Variants in CDH13 observed in about 807,000 individuals in gnomAD.
CDH13 encodes cadherin 13, also known as cadherin-13.
A neutral mutation model predicts 63.8 loss-of-function variants in CDH13; 24 were observed. The ratio of observed to expected loss-of-function variants is 0.38; its 90% CI spans 0.27 to 0.53. The LOEUF (loss-of-function observed/expected upper bound fraction) is 0.53, where lower values mean the gene tolerates loss of function less well. Ranked by LOEUF, CDH13 falls within the 20% of genes least tolerant of loss-of-function variation. The probability of loss-of-function intolerance (pLI) is 0.85; values close to 1 mark genes in which losing one functional copy is unlikely to be tolerated. For missense variants in CDH13, 1,049 were observed against 903.1 expected (o/e 1.16, Z -2.07); for synonymous variants, 503 against 355.3 (o/e 1.42, Z -4.67).
In CDH13 at chr16:82,724,261, A is replaced by G. The variant is rs116920509; in HGVS notation, c.45+97124A>G. Among the ~76,000 whole-genome samples the G allele has an allele frequency of 6.3e-3, 964 of 151,934 alleles. 5 individuals carry two copies. Among genetic ancestry groups the G allele is most frequent in the Non-Finnish European group, 0.011 (723 of 67,998 alleles). ...CATCCTTCCATCCATCTATCCATCT[A>G]TGCATCCTTCCGTCCATCCATCTAT... On this transcript the variant is annotated intron_variant, in intron 1 of 13. Coordinates refer to ENST00000567109, the MANE Select transcript of CDH13 (RefSeq NM_001257.5).
In CDH13 at chr16:83,532,601, G is replaced by C. The variant is rs558232153; in HGVS notation, c.960+45946G>C. Among the ~76,000 whole-genome samples the C allele has an allele frequency of 3.3e-5, 5 of 152,332 alleles. No homozygotes were observed. In the South Asian group the frequency reaches 8.3e-4, roughly 25 times the overall value. On this transcript the variant is annotated intron_variant, in intron 7 of 13. Coordinates refer to ENST00000567109, the MANE Select transcript of CDH13 (RefSeq NM_001257.5). ...ATATTTGCTGAATGAATAAATGGCT[G>C]CTTGTCTCCTCAAGTAGCCTATCAG...
At chr16:83,054,325 A>G (rs1402479955) in intron 3 of CDH13, among the ~76,000 whole-genome samples, 1 of 152,238 alleles carries the variant, frequency 6.6e-6, no homozygotes, top group Non-Finnish European at 1.5e-5. Context: ...AATAACGAAT[A>G]GTAAAATAGA....
intron 2 of CDH13, among the ~76,000 whole-genome samples, chr16:82,867,040 C>CT (rs2040174869): frequency 6.6e-6 from 1 of 152,198 alleles, no homozygotes; most frequent in Non-Finnish European, 1.5e-5. Flanking sequence ...CCTCCCTGGC[C>CT]TTGATAACTG....
intron 3 of CDH13, among the ~76,000 whole-genome samples, chr16:83,114,418 G>C (rs1427094697): frequency 2.0e-5 from 3 of 152,174 alleles, no homozygotes; most frequent in African/African-American, 7.2e-5. Flanking sequence ...GATAAGCACT[G>C]AGTGGTGTAA....
chr16:83,463,677 C>G (rs1377349851), intron 6 of CDH13, among the ~76,000 whole-genome samples: 1 of 152,120 alleles, frequency 6.6e-6, no homozygotes, highest in African/African-American at 2.4e-5. Context: ...GTGGTGCACA[C>G]CTGTGGTCCT....
rs1290902626 is a variant in CDH13, at chr16:83,500,303, C to T, written c.960+13648C>T. Among the ~76,000 whole-genome samples the T allele has an allele frequency of 0.043, 26 of 606 alleles. 1 individual carries two copies. The East Asian group carries it at 0.67, about 16-fold the overall frequency. 0.4% of individuals were successfully genotyped at this position (606 alleles called of 152,430 possible). ...TCTTCTTCTTCTTCTTCTCCTTCTC[C>T]TTCTCCTTCTCCTTCTCCTCCTCCT... On this transcript the variant is annotated intron_variant, in intron 7 of 13. Coordinates refer to ENST00000567109, the MANE Select transcript of CDH13 (RefSeq NM_001257.5).
chr16:83,456,496 G>A (rs995679940), intron 6 of CDH13, among the ~76,000 whole-genome samples: 4 of 152,198 alleles, frequency 2.6e-5, no homozygotes, highest in African/African-American at 9.7e-5. Context: ...TGGGTTCAGG[G>A]GAGGGGACTT....
intron 2 of CDH13, among the ~76,000 whole-genome samples, chr16:82,923,326 A>G (rs1027762537): frequency 6.6e-6 from 1 of 152,240 alleles, no homozygotes; most frequent in East Asian, 1.9e-4. Context: ...ACTGGTGTGC[A>G]TGGTATGCTC....
intron 2 of CDH13, among the ~76,000 whole-genome samples, chr16:82,980,100 G>A (rs1179967945): frequency 6.6e-6 from 1 of 152,162 alleles, no homozygotes; most frequent in Non-Finnish European, 1.5e-5. Context: ...ACAGTTATCT[G>A]CCCTGGTCTG....
chr16:83,536,998 G>A (rs778800572), intron 7 of CDH13, among the ~76,000 whole-genome samples: 9 of 152,214 alleles, frequency 5.9e-5, no homozygotes, highest in Non-Finnish European at 1.3e-4. Flanking sequence ...CTCATTTGCT[G>A]AAAAAGAGTG....
chr16:83,241,554 G>A (rs542889079), intron 5 of CDH13, among the ~76,000 whole-genome samples: 3 of 152,080 alleles, frequency 2.0e-5, no homozygotes, highest in Non-Finnish European at 4.4e-5. Context: ...CCTCATTATG[G>A]TTTTGATTTG....
At chr16:83,559,213 G>C (rs2075655971) in intron 7 of CDH13, among the ~76,000 whole-genome samples, 1 of 152,224 alleles carries the variant, frequency 6.6e-6, no homozygotes, top group Non-Finnish European at 1.5e-5. Context: ...AATGTTGTGA[G>C]TTGTTTTGAT....
intron 2 of CDH13, among the ~76,000 whole-genome samples, chr16:82,919,900 C>G (rs141431048): frequency 6.6e-6 from 1 of 152,122 alleles, no homozygotes; most frequent in Non-Finnish European, 1.5e-5. Context: ...CTTATTGAAA[C>G]TTAGAGTCAA....
At chr16:82,997,076 G>A (rs1277333750) in intron 2 of CDH13, among the ~76,000 whole-genome samples, 1 of 151,432 alleles carries the variant, frequency 6.6e-6, no homozygotes, top group African/African-American at 2.4e-5. Flanking sequence ...TGGTGGTGAT[G>A]GTAATGACGG....
At chr16:82,884,250 G>T in intron 2 of CDH13, 1 of 453,938 alleles carries the variant, frequency 2.2e-6, no homozygotes, top group East Asian at 7.0e-5. Context: ...GCTCCCATGA[G>T]AAGGAAATCT....
intron 3 of CDH13, among the ~76,000 whole-genome samples, chr16:83,066,548 A>G (rs1298308752): frequency 5.9e-5 from 9 of 152,332 alleles, no homozygotes; most frequent in African/African-American, 9.6e-5. Flanking sequence ...CTGAATACCA[A>G]TTTCTTAATT....
At chr16:82,670,773 C>T (rs536280780) in intron 1 of CDH13, among the ~76,000 whole-genome samples, 3 of 152,152 alleles carry the variant, frequency 2.0e-5, no homozygotes, top group Non-Finnish European at 4.4e-5. Flanking sequence ...ACGAGCAATT[C>T]AGTAAAAGTT....
At chr16:82,662,851 G>A (rs555088298) in intron 1 of CDH13, among the ~76,000 whole-genome samples, 4 of 151,808 alleles carry the variant, frequency 2.6e-5, no homozygotes, top group Admixed American at 2.6e-4. Flanking sequence ...CCAGTGTGAG[G>A]TGGTAGAGGT....
intron 4 of CDH13, among the ~76,000 whole-genome samples, chr16:83,216,139 C>G (rs114515360): frequency 5.3e-5 from 8 of 151,880 alleles, no homozygotes; most frequent in Non-Finnish European, 2.9e-5. Context: ...GAACTACTCT[C>G]CTCCACCTTT....
Sources: allele counts gnomAD v4.1 joint callset (sites outside exome capture counted in the v4.1 genomes callset), GRCh38; gene constraint gnomAD v4.1.1; transcripts MANE v1.5; gene names NCBI Gene and HGNC (gene_info 2026-07-23, HGNC 2026-07-21).